Variants in ERCC6L2 observed in about 807,000 individuals in gnomAD.
ERCC6L2 encodes the protein ERCC excision repair 6 like 2.
Under a neutral mutation model 132.0 loss-of-function variants are expected in ERCC6L2, and 77 were observed. That is an observed-to-expected ratio of 0.58 (90% CI 0.49 to 0.71). The LOEUF (loss-of-function observed/expected upper bound fraction) is 0.71. Among genes scored for constraint, ERCC6L2 ranks in the 30% least tolerant of loss-of-function variants. The pLI, the probability that ERCC6L2 is intolerant of heterozygous loss-of-function variation, is 0.00. For synonymous variants in ERCC6L2, 583 were observed against 632.4 expected (o/e 0.92, Z 1.17); for missense variants, 1,542 against 1,837.6 (o/e 0.84, Z 2.94).
intron 13 of ERCC6L2, among the ~76,000 whole-genome samples, chr9:95,957,146 A>G (rs893907142): frequency 6.6e-6 from 1 of 152,140 alleles, no homozygotes; most frequent in Non-Finnish European, 1.5e-5. Context: ...CCTCTAAACA[A>G]ACAATATTTA....
intron 18 of ERCC6L2, among the ~76,000 whole-genome samples, chr9:96,008,625 G>A (rs1833935512): frequency 6.6e-6 from 1 of 152,182 alleles, no homozygotes; most frequent in African/African-American, 2.4e-5. Context: ...CTTCCTCAAT[G>A]AAACTTCACA....
At chr9:96,022,006 A>G (rs916760009), downstream of ERCC6L2, among the ~76,000 whole-genome samples, 18 of 151,802 alleles carry the variant, frequency 1.2e-4, no homozygotes, top group Non-Finnish European at 2.6e-4. Context: ...CCCACCCCGC[A>G]GGTCGGCCCT....
Position 96,015,987 on chromosome 9 carries a change from A to G in ERCC6L2, c.*2784A>G, listed in dbSNP as rs530097988. ...TTTCAGAACGGAAACTGTCAGGTGG[A>G]GTGGACTCCCTGCAATGGAGTGATG... On this transcript the variant is annotated 3_prime_UTR_variant, in exon 19 of 19. Coordinates refer to ENST00000653738, the MANE Select transcript of ERCC6L2 (RefSeq NM_020207.7). 6.6e-6 allele frequency among the ~76,000 whole-genome samples: 1 copy of G among 152,276 alleles called. No individual in the cohort carries two copies. Among genetic ancestry groups the G allele is most frequent in the Non-Finnish European group, 1.5e-5 (1 of 68,018 alleles).
chr9:95,926,840 CTAA>C (rs1273286530), intron 9 of ERCC6L2, among the ~76,000 whole-genome samples: 1 of 151,888 alleles, frequency 6.6e-6, no homozygotes, highest in East Asian at 1.9e-4. Context: ...CACACCAATA[CTAA>C]TAATACTTGA....
At chr9:95,921,910 A>T (rs1829885121) in intron 7 of ERCC6L2, among the ~76,000 whole-genome samples, 1 of 152,082 alleles carries the variant, frequency 6.6e-6, no homozygotes. Context: ...GCTGTTTTTA[A>T]CTACTTCCCT....
chr9:95,875,704 AT>A lies in ERCC6L2; in HGVS notation c.-332del. 2.4e-6 allele frequency: 1 copy of A among 408,862 alleles called. No homozygotes were observed. Among genetic ancestry groups the A allele is most frequent in the Non-Finnish European group, 4.5e-6 (1 of 223,724 alleles). 25.3% of individuals were successfully genotyped at this position (408,862 alleles called of 1,614,324 possible). On this transcript the variant is annotated 5_prime_UTR_variant, in exon 1 of 19. Transcript: ENST00000653738. ...GAGACGGAAGTCAGAGCCTAGGAAG[AT>A]TTGGGGGTCGCCTTGCCGGCCTCCT...
rs1368788913 is a variant in ERCC6L2 at position 95,875,796 on chromosome 9, G to A, written c.-243G>A. 5 of 568,996 alleles carry A rather than the reference G, an allele frequency of 8.8e-6. No individual in the cohort carries two copies. Among genetic ancestry groups the A allele is most frequent in the African/African-American group, 1.9e-5 (1 of 53,218 alleles). The allele number at this position is 568,996 out of a possible 1,614,324, so 35.2% of individuals were successfully genotyped here. ...AACACCGCTTTGCCAGCCTCACACA[G>A]CGTCCCCTGGCTCTGCCGCCGCTCC... On this transcript the variant is annotated 5_prime_UTR_variant, in exon 1 of 19. Transcript: ENST00000653738.
chr9:95,890,620 C>A lies in ERCC6L2; in HGVS notation c.472-7229C>A, dbSNP rs543749866. On this transcript the variant is annotated intron_variant, in intron 2 of 18. Coordinates refer to ENST00000653738, the MANE Select transcript of ERCC6L2 (RefSeq NM_020207.7). ...TGTTTATTATATACAAGATCATATG[C>A]AAGAAACAAAGCCTTCTACCTTAAG... 6.6e-5 allele frequency among the ~76,000 whole-genome samples: 10 copies of A among 152,258 alleles called. No individual in the cohort carries two copies. The South Asian group carries it at 1.7e-3, about 25-fold the overall frequency.
In ERCC6L2 at chr9:95,880,899, C is replaced by T. The variant is rs1317606477; in HGVS notation, c.77C>T (p.Ala26Val). 1.9e-6 allele frequency: 3 copies of T among 1,612,128 alleles called. No homozygotes were observed. The highest frequency in any genetic ancestry group is 1.7e-5 in the Admixed American group (1 of 59,690). ...TGGCATCCAGGAGAAAGATGTCTTG[C>T]CCCTTCTCCAGATAATGGAAAACTT... ...DIWHPGERCL[A>V]PSPDNGKLCE... Residue 26 changes from alanine (A) to valine (V), a missense_variant, in exon 2 of 19, where the codon GCC becomes GTC. Physicochemically the swap from Ala to Val is moderately conservative, Grantham distance 64 (BLOSUM62 0). Around this residue, in one of 4 missense-constraint regions of ERCC6L2, gnomAD observed 153 missense variants for 132.3 expected, o/e 1.16. Coordinates refer to ENST00000653738, the MANE Select transcript of ERCC6L2 (RefSeq NM_020207.7).
intron 19 of ERCC6L2, among the ~76,000 whole-genome samples, chr9:96,035,303 G>A (rs147669816): frequency 5.6e-4 from 85 of 152,256 alleles, no homozygotes; most frequent in South Asian, 2.7e-3. Flanking sequence ...CACTAGTCCC[G>A]CTGACCAGAG....
At chr9:96,037,096 T>C (rs1461542088) in intron 19 of ERCC6L2, among the ~76,000 whole-genome samples, 2 of 151,960 alleles carry the variant, frequency 1.3e-5, no homozygotes, top group African/African-American at 4.8e-5. Context: ...ACTCAAAAGG[T>C]ATAAAGTTAC....
At chr9:95,882,763 C>T (rs146995453) in intron 2 of ERCC6L2, among the ~76,000 whole-genome samples, 288 of 152,248 alleles carry the variant, frequency 1.9e-3, no homozygotes, top group African/African-American at 6.1e-3. Context: ...TTACCATTAA[C>T]CATACTCTAT....
intron 19 of ERCC6L2, among the ~76,000 whole-genome samples, chr9:96,023,900 T>G (rs1672885817): frequency 6.6e-6 from 1 of 152,174 alleles, no homozygotes; most frequent in African/African-American, 2.4e-5. Context: ...CTCAGAAAGC[T>G]GAGATATCCC....
Position 95,972,212 on chromosome 9 carries a change from G to C in ERCC6L2, c.2461G>C (p.Asp821His), listed in dbSNP as rs1564275578. The change falls in exon 16 of 19, where the codon GAT (aspartate) becomes CAT (histidine). Residue 821 changes from aspartate to histidine, a missense_variant. Asp to His is a moderately conservative substitution (Grantham distance 81). This residue lies in a region of ERCC6L2 where 945 missense variants were observed against 1,105.2 expected (regional missense o/e 0.86). Coordinates refer to ENST00000653738, the MANE Select transcript of ERCC6L2 (RefSeq NM_020207.7). Reference sequence around the variant, plus strand: ...TACTGCCTCTGATGATGAAAGTTCTGATGAGCAGCCCACATGCCTTTCAAC... The same window carrying C: ...TACTGCCTCTGATGATGAAAGTTCTCATGAGCAGCCCACATGCCTTTCAAC... Reference protein sequence around the residue: ...GNTASDDESSDEQPTCLSTEA... With the variant: ...GNTASDDESSHEQPTCLSTEA... 1 of 1,304,242 alleles carries C rather than the reference G, an allele frequency of 7.7e-7. No individual in the cohort carries two copies. The allele number at this position is 1,304,242 out of a possible 1,614,324, so 80.8% of individuals were successfully genotyped here. A position where few individuals can be genotyped will look rare whatever the true frequency, so the allele number is the denominator to read the frequency against.
rs1564212221 is a variant in ERCC6L2, at chr9:95,907,838, C to CACCCACACACACACACACACACAA, written c.788+569_788+570insCCACACACACACACACACACAAAC. ...GAGGGGCAAAAACTACACACACACA[C>CACCCACACACACACACACACACAA]ACACACACACACACACACCCCCACA... On this transcript the variant is annotated intron_variant, in intron 4 of 18. Transcript: ENST00000653738. Among the ~76,000 whole-genome samples, 2 of 117,576 alleles carry CACCCACACACACACACACACACAA rather than the reference C, an allele frequency of 1.7e-5. 1 individual carries two copies. The highest frequency in any genetic ancestry group is 5.2e-4 in the East Asian group (2 of 3,810). 77.1% of individuals were successfully genotyped at this position (117,576 alleles called of 152,430 possible).
exon 20 of ERCC6L2, chr9:96,039,005 A>G (rs1834549466): frequency 2.2e-6 from 1 of 449,842 alleles, no homozygotes; most frequent in Admixed American, 2.4e-5. Context: ...GTGGAGATGA[A>G]CCACCTTGGA....
At position 96,037,025 on chromosome 9, in the gene ERCC6L2, C is replaced by G. The variant is rs1056183691; in HGVS notation, c.*1504-1851C>G. On this transcript the variant is annotated intron_variant and NMD_transcript_variant, in intron 19 of 20. Transcript: ENST00000670016. ...TCGTGATCCGCCCGCCTCGGCCTCCCAAAGTGCTGGGATTACAGGCGTGAG... is the reference window on the plus strand; with the variant it reads ...TCGTGATCCGCCCGCCTCGGCCTCCGAAAGTGCTGGGATTACAGGCGTGAG... Among the ~76,000 whole-genome samples the G allele has an allele frequency of 3.9e-5, 6 of 152,088 alleles. No homozygotes were observed. The East Asian group carries it at 1.2e-3, about 29-fold the overall frequency.
chr9:95,901,772 G>A (rs923295747), intron 3 of ERCC6L2, among the ~76,000 whole-genome samples: 2 of 152,194 alleles, frequency 1.3e-5, no homozygotes, highest in East Asian at 1.9e-4. Context: ...CAATACAAAC[G>A]TGTTGAGTTA....
intron 9 of ERCC6L2, among the ~76,000 whole-genome samples, chr9:95,926,667 C>T (rs1830115718): frequency 6.6e-6 from 1 of 151,834 alleles, no homozygotes; most frequent in Non-Finnish European, 1.5e-5. Context: ...ATTTTTAGGG[C>T]AATGAAACAA....
Sources: allele counts gnomAD v4.1 joint callset (sites outside exome capture counted in the v4.1 genomes callset), GRCh38; gene constraint gnomAD v4.1.1; regional missense constraint gnomAD v4.1.1; transcripts MANE v1.5; gene names NCBI Gene and HGNC (gene_info 2026-07-23, HGNC 2026-07-21).